The following YJU2B variants were observed in gnomAD, a reference collection of about 807,000 sequenced individuals.
YJU2B encodes probable splicing factor YJU2B.
In YJU2B, 18 loss-of-function variants were observed where a neutral mutation model predicts 38.0. The observed-to-expected ratio is 0.47, with a 90% CI of 0.33 to 0.70. The LOEUF is 0.70. YJU2B is among the 30% of genes least tolerant of loss of function. The pLI, the probability that YJU2B is intolerant of heterozygous loss-of-function variation, is 0.02. For synonymous variants in YJU2B, 246 were observed against 225.4 expected (o/e 1.09, Z -0.82); for missense variants, 538 against 556.3 (o/e 0.97, Z 0.33).
chr19:13,754,871 G>A (rs887169063), intron 3 of YJU2B, among the ~76,000 whole-genome samples: 4 of 152,114 alleles, frequency 2.6e-5, no homozygotes, highest in Admixed American at 2.0e-4. Context: ...AGGCAGAGAT[G>A]TTCATCTATC....
intron 2 of YJU2B, among the ~76,000 whole-genome samples, chr19:13,742,848 T>C (rs1973129115): frequency 6.6e-6 from 1 of 152,218 alleles, no homozygotes. Flanking sequence ...CCAGATGGAC[T>C]GAGTGAGATT....
At chr19:13,753,560 G>A (rs1488646927) in intron 2 of YJU2B, among the ~76,000 whole-genome samples, 33 of 119,822 alleles carry the variant, frequency 2.8e-4, no homozygotes, top group Admixed American at 2.0e-3. Flanking sequence ...GGCAACAAGA[G>A]TGAAACTCTG....
intron 1 of YJU2B, among the ~76,000 whole-genome samples, chr19:13,749,297 T>A (rs555726376): frequency 9.7e-4 from 147 of 152,224 alleles, no homozygotes; most frequent in African/African-American, 3.3e-3. Flanking sequence ...AGCCACCGAG[T>A]CCGGCCCCCA....
At chr19:13,737,516 G>A (rs560847790) in intron 2 of YJU2B, among the ~76,000 whole-genome samples, 1 of 150,568 alleles carries the variant, frequency 6.6e-6, no homozygotes, top group Non-Finnish European at 1.5e-5. Flanking sequence ...GCTGGGCGCG[G>A]TGGCTCACAC....
chr19:13,737,039 A>AAG (rs1555698725), intron 2 of YJU2B, among the ~76,000 whole-genome samples: 133 of 149,230 alleles, frequency 8.9e-4, no homozygotes, highest in African/African-American at 3.2e-3. Flanking sequence ...AAAAAAAAAA[A>AAG]AAAGAAAAAA....
At chr19:13,757,929 G>A (rs1014314012) in intron 6 of YJU2B, 83 bp downstream of exon 6, 4 of 1,229,274 alleles carry the variant, frequency 3.3e-6, no homozygotes, top group East Asian at 2.3e-5. Flanking sequence ...GTTGCGGGGG[G>A]AACCCATTCC....
chr19:13,759,448 TAAAA>T, intron 8 of YJU2B, 176 bp downstream of exon 8: 2 of 568,026 alleles, frequency 3.5e-6, no homozygotes, highest in East Asian at 6.2e-5. Context: ...GCTACTATAA[TAAAA>T]AATACCATAG....
intron 2 of YJU2B, among the ~76,000 whole-genome samples, chr19:13,733,933 C>T (rs903021055): frequency 3.9e-5 from 6 of 152,036 alleles, no homozygotes; most frequent in Admixed American, 3.9e-4. Context: ...GTTTTTGTTT[C>T]ATTTTATTTT....
At position 13,762,795 on chromosome 19, in the gene YJU2B, C is replaced by G. The variant is rs1383261876; in HGVS notation, c.918C>G (p.Ser306Arg). ...GGAGGTCTCGGGACGTCCCGGAGAG[C>G]CCCCAGCATGCGGCCGACACCCCCA... is the stretch of plus-strand genomic sequence containing the variant. ...VRRRSRDVPE[S>R]PQHAADTPKS... Residue 306 changes from serine to arginine, a missense_variant, in exon 10 of 10, where the codon AGC becomes AGG. This residue lies in a region of YJU2B where 488 missense variants were observed against 469.5 expected (regional missense o/e 1.04). Transcript: ENST00000221554. 1 of 1,602,646 alleles carries G rather than the reference C, an allele frequency of 6.2e-7. No homozygotes were observed.
At chr19:13,733,225 G>A (rs1397561372) in intron 2 of YJU2B, among the ~76,000 whole-genome samples, 1 of 149,986 alleles carries the variant, frequency 6.7e-6, no homozygotes, top group Non-Finnish European at 1.5e-5. Context: ...CACCACGCCC[G>A]GCCTTGCTGG....
intron 1 of YJU2B, among the ~76,000 whole-genome samples, chr19:13,748,344 C>T (rs991487296): frequency 6.6e-6 from 1 of 152,114 alleles, no homozygotes; most frequent in Non-Finnish European, 1.5e-5. Context: ...GCCCTGAATG[C>T]CTTAACCAGC....
chr19:13,743,710 T>C (rs1973155425), upstream of YJU2B, among the ~76,000 whole-genome samples: 1 of 144,468 alleles, frequency 6.9e-6, no homozygotes, highest in Non-Finnish European at 1.5e-5. Flanking sequence ...CTGGCCAACA[T>C]GACGAAGCCC....
intron 2 of YJU2B, among the ~76,000 whole-genome samples, chr19:13,741,651 G>A (rs1973098682): frequency 6.6e-6 from 1 of 151,882 alleles, no homozygotes; most frequent in South Asian, 2.1e-4. Context: ...GTGTGAGGAC[G>A]GCTTGAACCT....
Position 13,762,326 on chromosome 19 carries a change from G to A in YJU2B, c.601G>A (p.Glu201Lys), listed in dbSNP as rs777078149. Residue 201 changes from glutamate (E) to lysine (K), a missense_variant, in exon 9 of 10, where the codon GAG becomes AAG. Glu to Lys is a moderately conservative substitution (Grantham distance 56). Around this residue, in one of 2 missense-constraint regions of YJU2B, gnomAD observed 488 missense variants for 469.5 expected, o/e 1.04. Coordinates refer to ENST00000221554, the MANE Select transcript of YJU2B (RefSeq NM_030818.4). The part of the protein sequence containing the change: ...REKKKAIQEE[E>K]ERDQALQAKA... Reference sequence around the variant, plus strand: ...AAAGAAAAAAGCCATCCAGGAGGAGGAGGAGAGAGACCAGGCCTTGCAGGC... The same window carrying A: ...AAAGAAAAAAGCCATCCAGGAGGAGAAGGAGAGAGACCAGGCCTTGCAGGC... The A allele has an allele frequency of 6.2e-7, 1 of 1,613,912 alleles. No individual in the cohort carries two copies. The highest frequency in any genetic ancestry group is 8.5e-7 in the Non-Finnish European group (1 of 1,180,014).
At chr19:13,748,752 G>A (rs1420882959) in intron 1 of YJU2B, among the ~76,000 whole-genome samples, 1 of 152,146 alleles carries the variant, frequency 6.6e-6, no homozygotes, top group Non-Finnish European at 1.5e-5. Context: ...AGCTGATGAG[G>A]AGTGGAGCTG....
intron 2 of YJU2B, among the ~76,000 whole-genome samples, chr19:13,739,974 A>G (rs780955135): frequency 2.0e-5 from 3 of 151,910 alleles, no homozygotes; most frequent in Non-Finnish European, 4.4e-5. Context: ...TTCAACTCCC[A>G]CTTATGAGTG....
rs1286227510 is a variant in YJU2B at position 13,762,899 on chromosome 19, C to G, written c.1022C>G (p.Thr341Ser). 1 of 1,611,772 alleles carries G rather than the reference C, an allele frequency of 6.2e-7. No homozygotes were observed. The highest frequency in any genetic ancestry group is 1.1e-5 in the South Asian group (1 of 90,930). ...MSPGDCPPET[T>S]ETPKCSSPRG... Reference sequence around the variant, plus strand: ...CCCGGAGACTGTCCTCCGGAAACAACTGAGACCCCCAAGTGCAGCAGCCCG... The same window carrying G: ...CCCGGAGACTGTCCTCCGGAAACAAGTGAGACCCCCAAGTGCAGCAGCCCG... Residue 341 changes from threonine (T) to serine (S), a missense_variant, in exon 10 of 10, where the codon ACT (threonine) becomes AGT (serine). Physicochemically the swap from Thr to Ser is moderately conservative, Grantham distance 58 (BLOSUM62 1). Around this residue, in one of 2 missense-constraint regions of YJU2B, gnomAD observed 488 missense variants for 469.5 expected, o/e 1.04. Coordinates refer to ENST00000221554, the MANE Select transcript of YJU2B (RefSeq NM_030818.4).
chr19:13,757,439 C>T lies in YJU2B; in HGVS notation c.162C>T (p.Ile54=). The change falls in exon 5 of 10, where the codon ATC becomes ATT. Residue 54 remains isoleucine (I), a synonymous_variant. Coordinates refer to ENST00000221554, the MANE Select transcript of YJU2B (RefSeq NM_030818.4). The stretch of plus-strand genomic sequence containing the variant: ...GCAGATTCGAAATGCCATATAACAT[C>T]TGGTGCGATGGCTGCAAGAACCACA... The part of the protein sequence containing the change: ...LIIRFEMPYN[I]WCDGCKNHIG... The T allele has an allele frequency of 1.2e-6, 2 of 1,613,992 alleles. No individual in the cohort carries two copies. Among genetic ancestry groups the T allele is most frequent in the Non-Finnish European group, 1.7e-6 (2 of 1,179,940 alleles).
chr19:13,757,363 AC>A, intron 4 of YJU2B, 54 bp from the exon 5 acceptor site: 1 of 1,496,692 alleles, frequency 6.7e-7, no homozygotes, highest in Non-Finnish European at 9.3e-7. Flanking sequence ...AGGTGTGGAG[AC>A]CCAGGGAGTG....
Sources: allele counts gnomAD v4.1 joint callset (sites outside exome capture counted in the v4.1 genomes callset), GRCh38; gene constraint gnomAD v4.1.1; regional missense constraint gnomAD v4.1.1; transcripts MANE v1.5; gene names NCBI Gene and HGNC (gene_info 2026-07-23, HGNC 2026-07-21).